L3MBTL4: variants seen among roughly 807,000 people sequenced by gnomAD.
L3MBTL4 encodes L3MBTL histone methyl-lysine binding protein 4, also known as lethal(3)malignant brain tumor-like protein 4.
In L3MBTL4, 70 loss-of-function variants were observed where a neutral mutation model predicts 84.5. The observed-to-expected ratio is 0.83, with a 90% CI of 0.68 to 1.01. The LOEUF (loss-of-function observed/expected upper bound fraction) is 1.01, where lower values mean the gene tolerates loss of function less well. Among genes scored for constraint, L3MBTL4 ranks in the 50% least tolerant of loss-of-function variants. The pLI is 0.00. For missense variants in L3MBTL4, 715 were observed against 754.8 expected, an observed-to-expected ratio of 0.95 and a Z score of 0.62; for synonymous variants, 274 against 259.8, an observed-to-expected ratio of 1.05 and a Z score of -0.52.
intron 16 of L3MBTL4, among the ~76,000 whole-genome samples, chr18:6,080,362 T>C (rs2058034781): frequency 6.6e-6 from 1 of 152,254 alleles, no homozygotes; most frequent in African/African-American, 2.4e-5. Flanking sequence ...CTCAAAATTC[T>C]GTCTATATGG....
At chr18:5,981,335 C>A (rs923223243) in intron 16 of L3MBTL4, among the ~76,000 whole-genome samples, 3 of 152,142 alleles carry the variant, frequency 2.0e-5, no homozygotes, top group Non-Finnish European at 4.4e-5. Context: ...ATGAAAAGTT[C>A]TTTGTTATAC....
chr18:6,099,593 T>TATATATATATATATATATATATATAC (rs1411079479), intron 14 of L3MBTL4, among the ~76,000 whole-genome samples: 2 of 56,552 alleles, frequency 3.5e-5, no homozygotes, highest in African/African-American at 3.1e-4. Context: ...TAAATATATA[T>TATATATATATATATATATATATATAC]ATATATATAT....
intron 14 of L3MBTL4, among the ~76,000 whole-genome samples, chr18:6,100,477 T>C (rs577699344): frequency 3.9e-5 from 6 of 152,370 alleles, no homozygotes; most frequent in Non-Finnish European, 8.8e-5. Flanking sequence ...GATTCTCACA[T>C]CTGTGTCATC....
At chr18:6,137,780 C>A (rs2060069945) in intron 14 of L3MBTL4, among the ~76,000 whole-genome samples, 1 of 152,094 alleles carries the variant, frequency 6.6e-6, no homozygotes, top group Non-Finnish European at 1.5e-5. Flanking sequence ...GTTTTCTATT[C>A]TTTTATAGAA....
At chr18:6,005,006 T>TTTTTTC in intron 16 of L3MBTL4, among the ~76,000 whole-genome samples, 1 of 129,574 alleles carries the variant, frequency 7.7e-6, no homozygotes, top group Non-Finnish European at 1.7e-5. Context: ...AATTTTTTTT[T>TTTTTTC]TTTTTTTTTT....
intron 1 of L3MBTL4, among the ~76,000 whole-genome samples, chr18:6,382,937 T>G (rs920529121): frequency 6.6e-6 from 1 of 152,198 alleles, no homozygotes; most frequent in Non-Finnish European, 1.5e-5. Flanking sequence ...CCAGGTGCTC[T>G]GTCCCAGGGA....
intron 1 of L3MBTL4, among the ~76,000 whole-genome samples, chr18:6,348,435 G>C (rs1824443220): frequency 1.3e-5 from 2 of 152,046 alleles, no homozygotes; most frequent in African/African-American, 4.8e-5. Context: ...AAACAGATTA[G>C]AAAGTTCAGA....
chr18:6,014,986 A>G (rs1457479334), intron 16 of L3MBTL4, among the ~76,000 whole-genome samples: 3 of 151,914 alleles, frequency 2.0e-5, no homozygotes, highest in African/African-American at 7.3e-5. Flanking sequence ...TGGGGTGGAT[A>G]TAAGGGGATG....
chr18:6,244,699 C>CA (rs2047585359), intron 5 of L3MBTL4, 111 bp from the exon 6 acceptor site: 2 of 741,058 alleles, frequency 2.7e-6, no homozygotes, highest in Non-Finnish European at 4.6e-6. Flanking sequence ...CTCATAGAAA[C>CA]AGAGAGTAGA....
At chr18:6,138,068 C>T (rs1010345325) in intron 14 of L3MBTL4, 126 bp downstream of exon 14, 26 of 556,022 alleles carry the variant, frequency 4.7e-5, no homozygotes, top group Middle Eastern at 9.3e-4. Flanking sequence ...GCCTCAGCAA[C>T]ACAGAGGTGG....
intron 14 of L3MBTL4, among the ~76,000 whole-genome samples, chr18:6,123,042 G>T (rs1304343175): frequency 6.6e-6 from 1 of 152,006 alleles, no homozygotes; most frequent in Non-Finnish European, 1.5e-5. Flanking sequence ...TTTTTCCTGT[G>T]CCTAGTAGAT....
At chr18:6,044,695 GA>G (rs1304587658) in intron 16 of L3MBTL4, among the ~76,000 whole-genome samples, 16 of 151,950 alleles carry the variant, frequency 1.1e-4, no homozygotes, top group African/African-American at 3.6e-4. Context: ...AGGAGGGGAA[GA>G]AAAAAATATG....
intron 18 of L3MBTL4, among the ~76,000 whole-genome samples, chr18:5,957,175 T>G (rs578092402): frequency 1.3e-5 from 2 of 152,210 alleles, no homozygotes; most frequent in African/African-American, 2.4e-5. Context: ...ATAAAATAAA[T>G]GTTTTATTTA....
At chr18:6,076,067 G>C (rs143871985) in intron 16 of L3MBTL4, among the ~76,000 whole-genome samples, 55 of 152,248 alleles carry the variant, frequency 3.6e-4, no homozygotes, top group Non-Finnish European at 6.0e-4. Context: ...CAACCACTTT[G>C]TAAAAATATT....
intron 12 of L3MBTL4, among the ~76,000 whole-genome samples, chr18:6,192,254 A>C (rs1413904372): frequency 1.3e-5 from 2 of 152,190 alleles, no homozygotes; most frequent in Non-Finnish European, 2.9e-5. Context: ...TGATGTTTTC[A>C]AGATGGCAGA....
At chr18:6,216,090 A>G (rs2046315169) in intron 10 of L3MBTL4, among the ~76,000 whole-genome samples, 1 of 152,214 alleles carries the variant, frequency 6.6e-6, no homozygotes, top group South Asian at 2.1e-4. Context: ...GGCCAAGGTC[A>G]AAGGCCATGT....
chr18:6,388,885 C>G (rs2054931653), intron 1 of L3MBTL4, among the ~76,000 whole-genome samples: 1 of 152,032 alleles, frequency 6.6e-6, no homozygotes, highest in South Asian at 2.1e-4. Flanking sequence ...TAGTACTTAA[C>G]AGGGAAGGGC....
intron 4 of L3MBTL4, among the ~76,000 whole-genome samples, chr18:6,296,258 GTTAACCACT>G (rs2050106533): frequency 1.3e-5 from 2 of 152,086 alleles, no homozygotes; most frequent in African/African-American, 4.8e-5. Context: ...CTGATAATAA[GTTAACCACT>G]TTTAGAATCT....
At chr18:6,212,332 T>A (rs2046143515) in intron 12 of L3MBTL4, among the ~76,000 whole-genome samples, 1 of 152,208 alleles carries the variant, frequency 6.6e-6, no homozygotes, top group Admixed American at 6.5e-5. Flanking sequence ...ATACGGCAAA[T>A]AAGATTTCTT....
Sources: gnomAD v4.1 joint callset for allele counts (sites outside exome capture counted in the v4.1 genomes callset) on GRCh38, gnomAD v4.1.1 for gene constraint, MANE v1.5 for transcripts, NCBI Gene and HGNC (gene_info 2026-07-23, HGNC 2026-07-21) for gene names.